Variants in NR1H3 observed in about 807,000 individuals in gnomAD.
NR1H3 encodes the protein oxysterols receptor LXR-alpha.
A neutral mutation model predicts 48.1 loss-of-function variants in NR1H3; 19 were observed. That is an observed-to-expected ratio of 0.40 (90% CI 0.28 to 0.58). NR1H3 has a LOEUF of 0.58. NR1H3 is among the 20% of genes least tolerant of loss of function. NR1H3 has a pLI of 0.50. For synonymous variants in NR1H3, 232 were observed against 227.3 expected (o/e 1.02, Z -0.19); for missense variants, 486 against 595.9 (o/e 0.82, Z 1.92).
chr11:47,258,967 G>A, intron 1 of NR1H3: 1 of 809,346 alleles, frequency 1.2e-6, no homozygotes, highest in Non-Finnish European at 1.8e-6. Context: ...CTTGAGCCCA[G>A]GAATTCCTAG....
chr11:47,259,854 G>A lies in NR1H3; in HGVS notation c.107G>A (p.Ser36Asn). Residue 36 changes from serine (S) to asparagine (N), a missense_variant, in exon 3 of 10, where the codon AGC becomes AAC. Physicochemically the swap from Ser to Asn is conservative, Grantham distance 46 (BLOSUM62 1). Transcript: ENST00000441012. ...GCAAGCAGCCAGGCCCAGGGAGGCA[G>A]CAGCTGCATCCTCAGAGAGGAAGCC... is the stretch of plus-strand genomic sequence containing the variant. ...QDASSQAQGG[S>N]SCILREEARM... The A allele has an allele frequency of 6.2e-7, 1 of 1,612,734 alleles. No individual in the cohort carries two copies. The highest frequency in any genetic ancestry group is 8.5e-7 in the Non-Finnish European group (1 of 1,179,992).
At chr11:47,260,387 T>C in intron 3 of NR1H3, 22 bp from the exon 4 acceptor site, 1 of 1,595,128 alleles carries the variant, frequency 6.3e-7, no homozygotes, top group Non-Finnish European at 8.6e-7. Context: ...GGGAGAGCGT[T>C]GAAGCACTTT....
Position 47,268,044 on chromosome 11 carries a change from T to C in NR1H3, c.1102+18T>C. 1.3e-6 allele frequency: 2 copies of C among 1,562,830 alleles called. No homozygotes were observed. Among genetic ancestry groups the C allele is most frequent in the East Asian group, 2.3e-5 (1 of 43,304 alleles). On this transcript the variant is annotated intron_variant, in intron 8 of 9. Transcript: ENST00000441012. ...CTCTGCAGGTGTGGAGGAGGGGCAA[T>C]GGGAAACAGCAAGAGACTTACACCA...
chr11:47,253,124 A>G (rs1436876970), upstream of NR1H3, among the ~76,000 whole-genome samples: 2 of 72,348 alleles, frequency 2.8e-5, no homozygotes, highest in East Asian at 1.3e-3. Context: ...ACGCCTGGCT[A>G]ATTTTTGTGC....
Position 47,259,836 on chromosome 11 carries a change from G to T in NR1H3, c.89G>T (p.Ser30Ile). 1 of 1,612,486 alleles carries T rather than the reference G, an allele frequency of 6.2e-7. No homozygotes were observed. The highest frequency in any genetic ancestry group is 8.5e-7 in the Non-Finnish European group (1 of 1,179,960). Residue 30 changes from serine to isoleucine, a missense_variant, in exon 3 of 10, where the codon AGC becomes ATC. Transcript: ENST00000441012. The part of the protein sequence containing the change: ...LWKPGAQDAS[S>I]QAQGGSSCIL... Reference sequence around the variant, plus strand: ...AAGCCAGGCGCACAGGATGCAAGCAGCCAGGCCCAGGGAGGCAGCAGCTGC... The same window carrying T: ...AAGCCAGGCGCACAGGATGCAAGCATCCAGGCCCAGGGAGGCAGCAGCTGC...
chr11:47,265,611 T>A (rs1956380665), intron 7 of NR1H3, among the ~76,000 whole-genome samples: 1 of 152,142 alleles, frequency 6.6e-6, no homozygotes, highest in Non-Finnish European at 1.5e-5. Context: ...CGGTGGCTCA[T>A]GCCTGTAATC....
chr11:47,264,525 C>CCCTCTT (rs945448704), intron 7 of NR1H3, among the ~76,000 whole-genome samples: 3 of 152,196 alleles, frequency 2.0e-5, no homozygotes, highest in Non-Finnish European at 4.4e-5. Flanking sequence ...AGCCCTGCTC[C>CCCTCTT]CCTCTTCCAA....
upstream of NR1H3, among the ~76,000 whole-genome samples, chr11:47,256,817 G>A (rs1955225960): frequency 6.7e-6 from 1 of 148,554 alleles, no homozygotes; most frequent in African/African-American, 2.5e-5. Flanking sequence ...TGCAAGCTCT[G>A]CCTCCCGGGT....
At chr11:47,254,124 C>G (rs1205086530), upstream of NR1H3, among the ~76,000 whole-genome samples, 1 of 152,182 alleles carries the variant, frequency 6.6e-6, no homozygotes, top group Non-Finnish European at 1.5e-5. Context: ...TATAATTCCT[C>G]CTAAACAGGA....
chr11:47,256,015 C>T (rs1410890894), upstream of NR1H3, among the ~76,000 whole-genome samples: 1 of 151,388 alleles, frequency 6.6e-6, no homozygotes, highest in Non-Finnish European at 1.5e-5. Flanking sequence ...GTAAAAATTA[C>T]TATTATCCCT....
At position 47,268,007 on chromosome 11, in the gene NR1H3, T is replaced by G; in HGVS notation, c.1083T>G (p.Ala361=). The part of the protein sequence containing the change: ...LNDAEFALLI[A]ISIFSADRPN... ...ATGCCGAGTTTGCCTTGCTCATTGC[T>G]ATCAGCATCTTCTCTGCAGGTGTGG... The change falls in exon 8 of 10, where the codon GCT becomes GCG. Residue 361 remains alanine (A), a synonymous_variant. Transcript: ENST00000441012. 6.2e-7 allele frequency: 1 copy of G among 1,613,362 alleles called. No homozygotes were observed. The highest frequency in any genetic ancestry group is 8.5e-7 in the Non-Finnish European group (1 of 1,179,516).
intron 7 of NR1H3, among the ~76,000 whole-genome samples, chr11:47,262,487 C>T (rs1476586397): frequency 6.6e-6 from 1 of 151,904 alleles, no homozygotes; most frequent in Non-Finnish European, 1.5e-5. Context: ...GCGTGAGCCA[C>T]CCACCATGCC....
At chr11:47,255,505 G>A (rs1023696672), upstream of NR1H3, among the ~76,000 whole-genome samples, 9 of 152,076 alleles carry the variant, frequency 5.9e-5, no homozygotes, top group African/African-American at 2.2e-4. Context: ...AACACTATGT[G>A]CCACACGTTG....
chr11:47,267,414 A>G (rs1956705910), intron 7 of NR1H3, among the ~76,000 whole-genome samples: 1 of 152,064 alleles, frequency 6.6e-6, no homozygotes, highest in African/African-American at 2.4e-5. Context: ...TATACCAACA[A>G]TTTTCTGAGA....
chr11:47,263,596 TTTTTC>T, intron 7 of NR1H3, among the ~76,000 whole-genome samples: 1 of 150,296 alleles, frequency 6.7e-6, no homozygotes, highest in Admixed American at 6.7e-5. Flanking sequence ...TTTTTCTTTT[TTTTTC>T]TTTTCTTTTT....
rs149370955 is a variant in NR1H3 at position 47,267,986 on chromosome 11, C to T, written c.1062C>T (p.Ala354=). ...TGAATGAGCTGCAACTCAATGATGC[C>T]GAGTTTGCCTTGCTCATTGCTATCA... ...RAMNELQLND[A]EFALLIAISI... Residue 354 remains alanine (A), a synonymous_variant, in exon 8 of 10, where the codon GCC becomes GCT. Coordinates refer to ENST00000441012, the MANE Select transcript of NR1H3 (RefSeq NM_005693.4). 3.4e-5 allele frequency: 55 copies of T among 1,613,848 alleles called. No homozygotes were observed. The highest frequency in any genetic ancestry group is 4.1e-5 in the Non-Finnish European group (48 of 1,179,994).
At chr11:47,250,849 C>T (rs537636328) in intron 1 of NR1H3, among the ~76,000 whole-genome samples, 5 of 152,204 alleles carry the variant, frequency 3.3e-5, no homozygotes, top group Non-Finnish European at 5.9e-5. Context: ...GGCATGGGCA[C>T]AGTTTGAGAA....
chr11:47,261,868 T>C (rs775003479), intron 6 of NR1H3, 51 bp from the exon 7 acceptor site: 1 of 1,598,960 alleles, frequency 6.3e-7, no homozygotes, highest in East Asian at 2.2e-5. Context: ...GAGGCCATGC[T>C]CCAAGACCAG....
At position 47,265,655 on chromosome 11, in the gene NR1H3, C is replaced by T. The variant is rs12574326; in HGVS notation, c.989-2258C>T. Among the ~76,000 whole-genome samples, 5 of 152,194 alleles carry T rather than the reference C, an allele frequency of 3.3e-5. No individual in the cohort carries two copies. In the South Asian group the frequency reaches 8.3e-4, roughly 25 times the overall value. The stretch of plus-strand genomic sequence containing the variant: ...TTGGGAGGCCGAGGCAGGCAGATCA[C>T]GAGGTCAAGAGATCGAGACCATCCT... On this transcript the variant is annotated intron_variant, in intron 7 of 9. Transcript: ENST00000441012.
Sources: gnomAD v4.1 joint callset for allele counts (sites outside exome capture counted in the v4.1 genomes callset) on GRCh38, gnomAD v4.1.1 for gene constraint, MANE v1.5 for transcripts, NCBI Gene and HGNC (gene_info 2026-07-23, HGNC 2026-07-21) for gene names.